The following KIF13A variants were observed in gnomAD, a reference collection of about 807,000 sequenced individuals.
KIF13A encodes kinesin family member 13A, also known as kinesin-like protein KIF13A.
A neutral mutation model predicts 212.2 loss-of-function variants in KIF13A; 79 were observed. The observed-to-expected ratio is 0.37, with a 90% CI of 0.31 to 0.45. KIF13A has a LOEUF of 0.45. Ranked by LOEUF, KIF13A falls within the 20% of genes least tolerant of loss-of-function variation. The pLI is 1.00. For missense variants in KIF13A, 1,901 were observed against 2,209.0 expected, an observed-to-expected ratio of 0.86 and a Z score of 2.79; for synonymous variants, 789 against 808.6, an observed-to-expected ratio of 0.98 and a Z score of 0.41.
intron 2 of KIF13A, among the ~76,000 whole-genome samples, chr6:17,907,944 G>A (rs776433107): frequency 1.3e-5 from 2 of 152,212 alleles, no homozygotes; most frequent in Non-Finnish European, 2.9e-5. Context: ...AAGCGTGAAT[G>A]TAAGAGGCCA....
Position 17,850,524 on chromosome 6 carries a change from A to G in KIF13A, c.583-67T>C. ...AAGAATGTAGTCCTGCACACCAGGT[A>G]TATGTATTAATTATGATTCCTCTGA... On this transcript the variant is annotated intron_variant, in intron 7 of 38. Coordinates refer to ENST00000259711, the MANE Select transcript of KIF13A (RefSeq NM_022113.6). The surrounding 1 kb of genome is among the most constrained non-coding windows in gnomAD (Gnocchi z 6.2). 1.4e-6 allele frequency: 2 copies of G among 1,453,018 alleles called. No homozygotes were observed. The highest frequency in any genetic ancestry group is 1.9e-6 in the Non-Finnish European group (2 of 1,080,480). 90.0% of individuals were successfully genotyped at this position (1,453,018 alleles called of 1,614,324 possible).
At chr6:17,765,986 T>G (rs1277672605) in intron 38 of KIF13A, among the ~76,000 whole-genome samples, 1 of 152,192 alleles carries the variant, frequency 6.6e-6, no homozygotes, top group African/African-American at 2.4e-5. Flanking sequence ...CTCAGAGAAT[T>G]ACAACTTTGC....
chr6:17,919,118 T>A lies in KIF13A; in HGVS notation c.147-20938A>T, dbSNP rs1774809159. Among the ~76,000 whole-genome samples the A allele has an allele frequency of 6.6e-6, 1 of 152,204 alleles. No homozygotes were observed. The highest frequency in any genetic ancestry group is 1.5e-5 in the Non-Finnish European group (1 of 68,030). Reference sequence around the variant, plus strand: ...GAGAAAATGGTGATGTTTCCCTGAATAACTCCACTCTTTGGATTGAAGACC... The same window carrying A: ...GAGAAAATGGTGATGTTTCCCTGAAAAACTCCACTCTTTGGATTGAAGACC... On this transcript the variant is annotated intron_variant, in intron 2 of 38. Transcript: ENST00000259711. The surrounding 1 kb of genome is among the most constrained non-coding windows in gnomAD (Gnocchi z 4.1).
At chr6:17,824,542 G>GAC (rs1764769822) in intron 16 of KIF13A, among the ~76,000 whole-genome samples, 2 of 151,932 alleles carry the variant, frequency 1.3e-5, no homozygotes, top group Non-Finnish European at 2.9e-5. Flanking sequence ...GGCGGATCAC[G>GAC]AGGTCGGGAG....
chr6:17,862,620 T>C (rs576309509), intron 4 of KIF13A, among the ~76,000 whole-genome samples: 11 of 151,526 alleles, frequency 7.3e-5, no homozygotes, highest in Non-Finnish European at 1.3e-4. Context: ...CCAGGCAAAA[T>C]AGTGAGACCC....
In KIF13A at chr6:17,987,138, T is replaced by G; in HGVS notation, c.62A>C (p.Glu21Ala). ...RVRPMNRREL[E>A]LNTKCVVEME... Reference sequence around the variant, plus strand: ...CTCCACCACGCACTTGGTGTTCAGTTCCAGTTCTGAAAGCAGAGAGAAAGG... The same window carrying G: ...CTCCACCACGCACTTGGTGTTCAGTGCCAGTTCTGAAAGCAGAGAGAAAGG... The change falls in exon 2 of 39, where the codon GAA (glutamate) becomes GCA (alanine). Residue 21 changes from glutamate (E) to alanine (A), a missense_variant. Coordinates refer to ENST00000259711, the MANE Select transcript of KIF13A (RefSeq NM_022113.6). The surrounding 1 kb of genome is among the most constrained non-coding windows in gnomAD (Gnocchi z 7.7). 1 of 1,611,760 alleles carries G rather than the reference T, an allele frequency of 6.2e-7. No individual in the cohort carries two copies. The highest frequency in any genetic ancestry group is 8.5e-7 in the Non-Finnish European group (1 of 1,178,414).
In KIF13A at chr6:17,825,872, G is replaced by A. The variant is rs745356933; in HGVS notation, c.1682C>T (p.Pro561Leu). ...WLKDFEKETG[P>L]PEHDLDAASE... is the part of the protein sequence containing the mutation. ...GGCTGCATCCAGGTCATGCTCTGGC[G>A]GGCCCGTTTCTTTTTCAAAGTCTTT... is the stretch of plus-strand genomic sequence containing the variant. Residue 561 changes from proline (P) to leucine (L), a missense_variant, in exon 16 of 39, where the codon CCG (proline) becomes CTG (leucine). By Grantham distance (98) the Pro-to-Leu change is moderately conservative. Coordinates refer to ENST00000259711, the MANE Select transcript of KIF13A (RefSeq NM_022113.6). The surrounding 1 kb of genome is among the most constrained non-coding windows in gnomAD (Gnocchi z 4.5). 1.2e-5 allele frequency: 19 copies of A among 1,613,780 alleles called. No homozygotes were observed. The highest frequency in any genetic ancestry group is 5.3e-5 in the African/African-American group (4 of 74,896).
rs1761061805 is a variant in KIF13A, at chr6:17,786,451, T to C, written c.3362-810A>G. ...CTGTCTCCACTAAAAATACAAAAAT[T>C]AGCCAGGCGTGGTGGTGGGCGCCTT... On this transcript the variant is annotated intron_variant, in intron 27 of 38. Coordinates refer to ENST00000259711, the MANE Select transcript of KIF13A (RefSeq NM_022113.6). This position sits in a 1 kb window ranked among gnomAD's most constrained non-coding sequence, Gnocchi z 5.4. Among the ~76,000 whole-genome samples, 1 of 151,772 alleles carries C rather than the reference T, an allele frequency of 6.6e-6. No individual in the cohort carries two copies. Among genetic ancestry groups the C allele is most frequent in the Non-Finnish European group, 1.5e-5 (1 of 67,962 alleles).
chr6:17,792,362 T>A (rs1761664882), intron 25 of KIF13A, among the ~76,000 whole-genome samples: 1 of 152,052 alleles, frequency 6.6e-6, no homozygotes, highest in African/African-American at 2.4e-5. Context: ...GCCACAAAAT[T>A]TTATTGTGGA....
intron 2 of KIF13A, among the ~76,000 whole-genome samples, chr6:17,904,004 AAAAG>A (rs1332763925): frequency 6.6e-6 from 1 of 151,884 alleles, no homozygotes; most frequent in Middle Eastern, 3.2e-3. Context: ...AATAAAAAAA[AAAAG>A]TAGTTGGGTG....
Position 17,825,008 on chromosome 6 carries a change from A to G in KIF13A, c.1786+760T>C, listed in dbSNP as rs1312900825. 6.6e-6 allele frequency among the ~76,000 whole-genome samples: 1 copy of G among 152,160 alleles called. No homozygotes were observed. The highest frequency in any genetic ancestry group is 1.5e-5 in the Non-Finnish European group (1 of 68,042). On this transcript the variant is annotated intron_variant, in intron 16 of 38. Transcript: ENST00000259711. The surrounding 1 kb of genome is among the most constrained non-coding windows in gnomAD (Gnocchi z 4.5). ...AAATCATTCTAGTCCCAGAAATGTC[A>G]TCTTGTGGTTGGTAACAGGTGAACA... is the stretch of plus-strand genomic sequence containing the variant.
intron 20 of KIF13A, among the ~76,000 whole-genome samples, chr6:17,801,622 A>G (rs1479322655): frequency 6.6e-6 from 1 of 152,234 alleles, no homozygotes; most frequent in East Asian, 1.9e-4. Context: ...CCACTAACAC[A>G]TATTTACCAA....
chr6:17,800,394 A>G (rs1762379095), intron 20 of KIF13A, among the ~76,000 whole-genome samples: 1 of 151,364 alleles, frequency 6.6e-6, no homozygotes, highest in African/African-American at 2.4e-5. Context: ...GGAATAGCTT[A>G]AAGGTAGCTC....
intron 4 of KIF13A, among the ~76,000 whole-genome samples, chr6:17,861,303 A>G (rs978107742): frequency 1.3e-5 from 2 of 152,220 alleles, no homozygotes; most frequent in Non-Finnish European, 2.9e-5. Context: ...CTCAAAGACA[A>G]TGCATTCTGT....
chr6:17,948,557 CTTTTTT>C (rs71002289), intron 2 of KIF13A, among the ~76,000 whole-genome samples: 47 of 84,138 alleles, frequency 5.6e-4, no homozygotes, highest in African/African-American at 1.9e-3. Flanking sequence ...CATCCATTTA[CTTTTTT>C]TTTTTTTTTT....
Position 17,771,930 on chromosome 6 carries a change from G to C in KIF13A, c.4454C>G (p.Ala1485Gly). 1 of 1,614,016 alleles carries C rather than the reference G, an allele frequency of 6.2e-7. No individual in the cohort carries two copies. ...TACCTCCTGGCTTAGAAGAGGCCTT[G>C]CTTCCAGGGCTATCCTTTTCTTATG... is the stretch of plus-strand genomic sequence containing the variant. ...EEHKKRIALE[A>G]RPLLSQESMP... The change falls in exon 37 of 39, where the codon GCA becomes GGA. Residue 1485 changes from alanine to glycine, a missense_variant. Around this residue, in one of 5 missense-constraint regions of KIF13A, gnomAD observed 687 missense variants for 759.1 expected, o/e 0.90. Coordinates refer to ENST00000259711, the MANE Select transcript of KIF13A (RefSeq NM_022113.6). This position sits in a 1 kb window ranked among gnomAD's most constrained non-coding sequence, Gnocchi z 5.4.
Position 17,776,980 on chromosome 6 carries a change from T to C in KIF13A, c.4170+297A>G, listed in dbSNP as rs1760040115. Among the ~76,000 whole-genome samples, 1 of 152,174 alleles carries C rather than the reference T, an allele frequency of 6.6e-6. No individual in the cohort carries two copies. The highest frequency in any genetic ancestry group is 1.5e-5 in the Non-Finnish European group (1 of 68,038). ...AGCAGCCAGCGTCCAGGGACTCGGG[T>C]GCAAGTATTCATAGCTGACTCCACC... On this transcript the variant is annotated intron_variant, in intron 34 of 38. Coordinates refer to ENST00000259711, the MANE Select transcript of KIF13A (RefSeq NM_022113.6). The surrounding 1 kb of genome is among the most constrained non-coding windows in gnomAD (Gnocchi z 4.6).
At chr6:17,873,285 G>A (rs890472574) in intron 4 of KIF13A, 92 bp downstream of exon 4, 10 of 822,906 alleles carry the variant, frequency 1.2e-5, no homozygotes, top group Non-Finnish European at 1.4e-5. Context: ...ATTACACAGG[G>A]AAAGTAAAAC....
intron 25 of KIF13A, 131 bp from the exon 26 acceptor site, chr6:17,790,041 ATTG>A: frequency 4.7e-6 from 3 of 640,086 alleles, no homozygotes; most frequent in Admixed American, 6.3e-5. Flanking sequence ...AAAACACTAA[ATTG>A]AATCTCAAAA....
Sources: allele counts gnomAD v4.1 joint callset (sites outside exome capture counted in the v4.1 genomes callset), GRCh38; gene constraint gnomAD v4.1.1; regional missense constraint gnomAD v4.1.1; non-coding constraint Gnocchi (gnomAD v3.1); transcripts MANE v1.5; gene names NCBI Gene and HGNC (gene_info 2026-07-23, HGNC 2026-07-21).